Variants in NEURL3 observed in about 807,000 individuals in gnomAD.
NEURL3 encodes neuralized E3 ubiquitin protein ligase 3, also known as E3 ubiquitin-protein ligase NEURL3.
NEURL3 carries 19 observed loss-of-function variants against 17.6 expected under a neutral mutation model. The observed-to-expected ratio is 1.08, with a 90% CI of 0.75 to 1.58. The LOEUF (loss-of-function observed/expected upper bound fraction) is 1.58. NEURL3 is among the 40% of genes most tolerant of loss of function. The probability of loss-of-function intolerance (pLI) is 0.00; values close to 1 mark genes in which losing one functional copy is unlikely to be tolerated. For synonymous variants in NEURL3, 180 were observed against 161.4 expected (o/e 1.11, Z -0.87); for missense variants, 342 against 379.6 (o/e 0.90, Z 0.82).
chr2:96,504,877 C>CAAAAAAAAAAAAAAAAAAAAAAAAA (rs1157285400), intron 1 of NEURL3, among the ~76,000 whole-genome samples: 18 of 55,288 alleles, frequency 3.3e-4, no homozygotes, highest in East Asian at 2.3e-3. Flanking sequence ...GACTCCGTCT[C>CAAAAAAAAAAAAAAAAAAAAAAAAA]AAAAAAAAAA....
Position 96,505,272 on chromosome 2 carries a change from G to C in NEURL3, c.15C>G (p.Leu5=). ...AGGTCTACTTACTGGCCTCGAAGCA[G>C]AGCTGGGCACCCATCAGTCTAAGGT... MGAQ[L]CFEANAKAPR... Residue 5 remains leucine (L), a synonymous_variant, in exon 1 of 4, where the codon CTC becomes CTG. Coordinates refer to ENST00000451794, the MANE Select transcript of NEURL3 (RefSeq NM_001285485.2). The C allele has an allele frequency of 6.3e-7, 1 of 1,599,236 alleles. No individual in the cohort carries two copies. Among genetic ancestry groups the C allele is most frequent in the Non-Finnish European group, 8.5e-7 (1 of 1,179,808 alleles).
chr2:96,499,541 CT>C, intron 2 of NEURL3, 92 bp from the exon 3 acceptor site: 2 of 1,175,678 alleles, frequency 1.7e-6, no homozygotes, highest in Non-Finnish European at 2.5e-6. Context: ...GTCCGGTCTC[CT>C]TTCTTTCCTG....
rs1347786673 is a variant in NEURL3 at position 96,505,300 on chromosome 2, T to G, written c.-14A>C. On this transcript the variant is annotated 5_prime_UTR_variant, in exon 1 of 4. Coordinates refer to ENST00000451794, the MANE Select transcript of NEURL3 (RefSeq NM_001285485.2). ...CTGGGCACCCATCAGTCTAAGGTCC[T>G]CGGGCACAGGTCCCCAGGTCTAGAA... is the stretch of plus-strand genomic sequence containing the variant. 3 of 1,598,986 alleles carry G rather than the reference T, an allele frequency of 1.9e-6. No homozygotes were observed. The African/African-American group carries it at 4.0e-5, about 21-fold the overall frequency.
rs756000852 is a variant in NEURL3 at position 96,500,420 on chromosome 2, G to T, written c.514+19C>A. ...CCCATCTCCCCACCTCCCCTGCGGG[G>T]TCCCCATGGTCGCCTCACCCAGCAG... On this transcript the variant is annotated intron_variant, in intron 2 of 3. Coordinates refer to ENST00000451794, the MANE Select transcript of NEURL3 (RefSeq NM_001285485.2). The T allele has an allele frequency of 3.8e-6, 6 of 1,596,552 alleles. No individual in the cohort carries two copies. Among genetic ancestry groups the T allele is most frequent in the Non-Finnish European group, 2.5e-6 (3 of 1,179,066 alleles).
chr2:96,500,617 C>A lies in NEURL3; in HGVS notation c.336G>T (p.Leu112=). 1 of 1,520,222 alleles carries A rather than the reference C, an allele frequency of 6.6e-7. No individual in the cohort carries two copies. The allele number at this position is 1,520,222 out of a possible 1,614,324, so 94.2% of individuals were successfully genotyped here. A position where few individuals can be genotyped will look rare whatever the true frequency, so the allele number is the denominator to read the frequency against. Residue 112 remains leucine, a synonymous_variant, in exon 2 of 4, where the codon CTG becomes CTT. Transcript: ENST00000451794. The stretch of plus-strand genomic sequence containing the variant: ...CCCCAGTGAGCGCGCAGCCCTCAGG[C>A]AGCACGGCCGCCCACGTCGGGCTCT... The part of the protein sequence containing the change: ...EEQSPTWAAV[L]PEGCALTGDL...
intron 2 of NEURL3, chr2:96,499,955 C>T (rs2065485051): frequency 1.0e-5 from 2 of 190,520 alleles, no homozygotes; most frequent in Admixed American, 1.2e-4. Flanking sequence ...TACTGCCTCT[C>T]TGTGCTCTCC....
In NEURL3 at chr2:96,498,255, C is replaced by T. The variant is rs2065463040; in HGVS notation, c.778G>A (p.Glu260Lys). ...AQGPPALRVEEGS is the reference protein window; with the variant it reads ...AQGPPALRVEKGS Reference sequence around the variant, plus strand: ...TGGGAAGCCTCCTTTCATGAGCCTTCCTCAACCCTCAGAGCAGGAGGGCCC... The same window carrying T: ...TGGGAAGCCTCCTTTCATGAGCCTTTCTCAACCCTCAGAGCAGGAGGGCCC... Residue 260 changes from glutamate (E) to lysine (K), a missense_variant, in exon 4 of 4, where the codon GAA becomes AAA. Coordinates refer to ENST00000451794, the MANE Select transcript of NEURL3 (RefSeq NM_001285485.2). This position sits in a 1 kb window ranked among gnomAD's most constrained non-coding sequence, Gnocchi z 4.4. 1.3e-6 allele frequency: 2 copies of T among 1,558,106 alleles called. No individual in the cohort carries two copies. The highest frequency in any genetic ancestry group is 1.3e-5 in the African/African-American group (1 of 74,114).
intron 3 of NEURL3, 103 bp downstream of exon 3, chr2:96,499,275 C>T: frequency 6.6e-7 from 1 of 1,524,734 alleles, no homozygotes; most frequent in Non-Finnish European, 8.8e-7. Flanking sequence ...GGCCCAAAGC[C>T]TGTGAGAGAC....
intron 1 of NEURL3, among the ~76,000 whole-genome samples, chr2:96,503,750 T>C (rs1356255305): frequency 1.3e-5 from 2 of 152,134 alleles, no homozygotes; most frequent in African/African-American, 4.8e-5. Context: ...CCACGAGGCC[T>C]GCAGGGGTCC....
At position 96,500,668 on chromosome 2, in the gene NEURL3, G is replaced by A. The variant is rs1355318450; in HGVS notation, c.285C>T (p.Pro95=). The A allele has an allele frequency of 6.6e-7, 1 of 1,519,294 alleles. No homozygotes were observed. The highest frequency in any genetic ancestry group is 8.8e-7 in the Non-Finnish European group (1 of 1,140,614). The allele number at this position is 1,519,294 out of a possible 1,614,324, so 94.1% of individuals were successfully genotyped here. A position where few individuals can be genotyped will look rare whatever the true frequency, so the allele number is the denominator to read the frequency against. The change falls in exon 2 of 4, where the codon CCC becomes CCT. Residue 95 remains proline (P), a synonymous_variant. Coordinates refer to ENST00000451794, the MANE Select transcript of NEURL3 (RefSeq NM_001285485.2). Reference sequence around the variant, plus strand: ...GCTCCTCCAGGTCGGGGCACAGGAAGGGCGGCAGGCTGGGCACGGACACGC... The same window carrying A: ...GCTCCTCCAGGTCGGGGCACAGGAAAGGCGGCAGGCTGGGCACGGACACGC... The part of the protein sequence containing the change: ...PACVSVPSLP[P]FLCPDLEEQS...
intron 1 of NEURL3, among the ~76,000 whole-genome samples, chr2:96,504,350 C>T (rs573197634): frequency 1.3e-5 from 2 of 152,216 alleles, no homozygotes; most frequent in Non-Finnish European, 2.9e-5. Flanking sequence ...AGTGGGGGAT[C>T]CCAGCGCTGC....
chr2:96,501,762 T>C lies in NEURL3; in HGVS notation c.29-838A>G, dbSNP rs1298007447. 2.0e-5 allele frequency among the ~76,000 whole-genome samples: 3 copies of C among 152,304 alleles called. No individual in the cohort carries two copies. In the East Asian group the frequency reaches 5.8e-4, roughly 30 times the overall value. ...CCTGCAGGAAGCTGGTGGGGCTTCCTACCCCAGAACTGCCTTAGCCGGCCT... is the reference window on the plus strand; with the variant it reads ...CCTGCAGGAAGCTGGTGGGGCTTCCCACCCCAGAACTGCCTTAGCCGGCCT... On this transcript the variant is annotated intron_variant, in intron 1 of 3. Coordinates refer to ENST00000451794, the MANE Select transcript of NEURL3 (RefSeq NM_001285485.2).
At position 96,500,875 on chromosome 2, in the gene NEURL3, G is replaced by A. The variant is rs1469406047; in HGVS notation, c.78C>T (p.Gly26=). Residue 26 remains glycine (G), a synonymous_variant, in exon 2 of 4, where the codon GGC becomes GGT. Coordinates refer to ENST00000451794, the MANE Select transcript of NEURL3 (RefSeq NM_001285485.2). The stretch of plus-strand genomic sequence containing the variant: ...CACGCGTGTCCAGACGCACCTGTGC[G>A]CCCTTGGCCTCGGCATGGAAGCGAA... The part of the protein sequence containing the change: ...EALRFHAEAK[G]AQVRLDTRGC... The A allele has an allele frequency of 1.9e-6, 3 of 1,547,732 alleles. No homozygotes were observed. The South Asian group carries it at 3.5e-5, about 18-fold the overall frequency.
chr2:96,500,222 C>T, intron 2 of NEURL3: 1 of 609,608 alleles, frequency 1.6e-6, no homozygotes, highest in Non-Finnish European at 2.9e-6. Context: ...AGTGCTGGTC[C>T]TATCTGCTTA....
intron 1 of NEURL3, among the ~76,000 whole-genome samples, chr2:96,504,375 C>G (rs2065541037): frequency 6.6e-6 from 1 of 152,240 alleles, no homozygotes; most frequent in Admixed American, 6.5e-5. Flanking sequence ...GGCTGCTTCA[C>G]TCTCATGCCA....
In NEURL3 at chr2:96,500,814, C is replaced by T. The variant is rs2065499479; in HGVS notation, c.139G>A (p.Gly47Ser). ...IAHRRTTFHDGIVFSQRPVRL... is the reference protein window; with the variant it reads ...IAHRRTTFHDSIVFSQRPVRL... ...ACCGGCCGCTGGCTGAACACGATGCCGTCGTGGAACGTGGTGCGCCTGTGC... is the reference window on the plus strand; with the variant it reads ...ACCGGCCGCTGGCTGAACACGATGCTGTCGTGGAACGTGGTGCGCCTGTGC... The change falls in exon 2 of 4, where the codon GGC becomes AGC. Residue 47 changes from glycine (G) to serine (S), a missense_variant. Transcript: ENST00000451794. The T allele has an allele frequency of 2.6e-6, 4 of 1,527,080 alleles. No individual in the cohort carries two copies. Among genetic ancestry groups the T allele is most frequent in the Admixed American group, 2.0e-5 (1 of 50,650 alleles). The allele number at this position is 1,527,080 out of a possible 1,614,324, so 94.6% of individuals were successfully genotyped here.
At chr2:96,505,583 A>G (rs1032192798), upstream of NEURL3, among the ~76,000 whole-genome samples, 9 of 152,176 alleles carry the variant, frequency 5.9e-5, no homozygotes, top group Non-Finnish European at 1.3e-4. Flanking sequence ...ACTTCTGACC[A>G]ATCTCAAGCT....
At position 96,500,797 on chromosome 2, in the gene NEURL3, C is replaced by G. The variant is rs1400058980; in HGVS notation, c.156G>C (p.Gln52His). The G allele has an allele frequency of 1.3e-6, 2 of 1,526,794 alleles. No individual in the cohort carries two copies. Among genetic ancestry groups the G allele is most frequent in the South Asian group, 2.4e-5 (2 of 83,600 alleles). The allele number at this position is 1,526,794 out of a possible 1,614,324, so 94.6% of individuals were successfully genotyped here. ...CACGCTCGCCCAGGCGCACCGGCCG[C>G]TGGCTGAACACGATGCCGTCGTGGA... ...TTFHDGIVFS[Q>H]RPVRLGERVA... Residue 52 changes from glutamine to histidine, a missense_variant, in exon 2 of 4, where the codon CAG becomes CAC. Physicochemically the swap from Gln to His is conservative, Grantham distance 24. Transcript: ENST00000451794.
chr2:96,500,825 GTGGT>G lies in NEURL3; in HGVS notation c.124_127del (p.Thr42ArgfsTer116). Reference sequence around the variant, plus strand: ...GCTGAACACGATGCCGTCGTGGAACGTGGTGCGCCTGTGCGCGATGCAGCCACGC... The same window carrying G: ...GCTGAACACGATGCCGTCGTGGAACGGCGCCTGTGCGCGATGCAGCCACGC... On this transcript the variant is annotated frameshift_variant, in exon 2 of 4. Coordinates refer to ENST00000451794, the MANE Select transcript of NEURL3 (RefSeq NM_001285485.2). LOFTEE classifies it high-confidence loss of function. The G allele has an allele frequency of 6.5e-7, 1 of 1,529,132 alleles. No homozygotes were observed. Among genetic ancestry groups the G allele is most frequent in the Non-Finnish European group, 8.7e-7 (1 of 1,143,552 alleles). The allele number at this position is 1,529,132 out of a possible 1,614,324, so 94.7% of individuals were successfully genotyped here. A position where few individuals can be genotyped will look rare whatever the true frequency, so the allele number is the denominator to read the frequency against.
Sources: gnomAD v4.1 joint callset for allele counts (sites outside exome capture counted in the v4.1 genomes callset) on GRCh38, gnomAD v4.1.1 for gene constraint, Gnocchi (gnomAD v3.1) non-coding constraint, MANE v1.5 for transcripts, NCBI Gene and HGNC (gene_info 2026-07-23, HGNC 2026-07-21) for gene names.